The following FEZ2 variants were observed in gnomAD, a reference collection of about 807,000 sequenced individuals.
FEZ2 encodes fasciculation and elongation protein zeta-2.
Under a neutral mutation model 40.4 loss-of-function variants are expected in FEZ2, and 51 were observed. The observed-to-expected ratio is 1.26, with a 90% CI of 1.01 to 1.59. FEZ2 has a LOEUF of 1.59. FEZ2 is among the 40% of genes most tolerant of loss of function. FEZ2 has a pLI of 0.00. For missense variants in FEZ2, 640 were observed against 438.3 expected, an observed-to-expected ratio of 1.46 and a Z score of -4.11; for synonymous variants, 242 against 172.0, an observed-to-expected ratio of 1.41 and a Z score of -3.18.
At chr2:36,586,203 C>T (rs188720140) in intron 2 of FEZ2, among the ~76,000 whole-genome samples, 30 of 152,248 alleles carry the variant, frequency 2.0e-4, no homozygotes, top group African/African-American at 6.3e-4. Flanking sequence ...GTAGACCTAC[C>T]GATTAGTTTC....
At chr2:36,562,724 A>AT (rs1295929258) in intron 5 of FEZ2, among the ~76,000 whole-genome samples, 1 of 152,230 alleles carries the variant, frequency 6.6e-6, no homozygotes, top group Non-Finnish European at 1.5e-5. Flanking sequence ...TTTTAAGCAG[A>AT]TTATCAAATG....
Position 36,598,041 on chromosome 2 carries a change from C to T in FEZ2, c.102G>A (p.Ala34=). 3 of 1,501,946 alleles carry T rather than the reference C, an allele frequency of 2.0e-6. No individual in the cohort carries two copies. The highest frequency in any genetic ancestry group is 2.7e-6 in the Non-Finnish European group (3 of 1,130,544). The allele number at this position is 1,501,946 out of a possible 1,614,324, so 93.0% of individuals were successfully genotyped here. ...CCCCACCCGCCTCGGCCCCCGCCTC[C>T]GCCCCAGGCTCGGGGCTCGCGTTAC... ...ENCNASPEPG[A]EAGAEAGGGA... Residue 34 remains alanine (A), a synonymous_variant, in exon 1 of 8, where the codon GCG becomes GCA. Transcript: ENST00000405912.
chr2:36,582,490 C>G (rs1220388283), intron 3 of FEZ2, among the ~76,000 whole-genome samples: 1 of 152,154 alleles, frequency 6.6e-6, no homozygotes, highest in East Asian at 1.9e-4. Flanking sequence ...TTAGGCAGGT[C>G]AGTGAGGGGA....
chr2:36,595,596 G>A lies in FEZ2; in HGVS notation c.266+2281C>T, dbSNP rs76213322. Among the ~76,000 whole-genome samples the A allele has an allele frequency of 5.5e-3, 838 of 152,242 alleles. 16 individuals carry two copies. Among genetic ancestry groups the A allele is most frequent in the African/African-American group, 0.019 (784 of 41,512 alleles). On this transcript the variant is annotated intron_variant, in intron 1 of 7. Transcript: ENST00000405912. ...TGTAGTGTGGCCCAGTTCCAGTACCGGTCTGTGGACCAGGGGTTGGGGACC... is the reference window on the plus strand; with the variant it reads ...TGTAGTGTGGCCCAGTTCCAGTACCAGTCTGTGGACCAGGGGTTGGGGACC...
chr2:36,591,877 A>C (rs1423066691), intron 1 of FEZ2, among the ~76,000 whole-genome samples: 1 of 152,042 alleles, frequency 6.6e-6, no homozygotes, highest in East Asian at 1.9e-4. Context: ...AGAAGCAGAT[A>C]CTCCTTCCAG....
intron 5 of FEZ2, among the ~76,000 whole-genome samples, chr2:36,565,897 T>C (rs989559552): frequency 3.3e-5 from 5 of 152,112 alleles, no homozygotes; most frequent in Non-Finnish European, 7.4e-5. Flanking sequence ...CCCTGCCCAG[T>C]TGTGACAACA....
chr2:36,567,958 C>T lies in FEZ2; in HGVS notation c.904-9445G>A, dbSNP rs1289414639. On this transcript the variant is annotated intron_variant, in intron 5 of 7. Transcript: ENST00000405912. ...CTGTAAATTCCAAAAAATAACACACCCTTTTGGAAGGCAAAATGAATTTTA... is the reference window on the plus strand; with the variant it reads ...CTGTAAATTCCAAAAAATAACACACTCTTTTGGAAGGCAAAATGAATTTTA... 2.0e-5 allele frequency among the ~76,000 whole-genome samples: 3 copies of T among 152,082 alleles called. No individual in the cohort carries two copies. The East Asian group carries it at 5.8e-4, about 29-fold the overall frequency.
chr2:36,562,736 G>C (rs555589155), intron 5 of FEZ2, among the ~76,000 whole-genome samples: 19 of 152,240 alleles, frequency 1.2e-4, no homozygotes, highest in Admixed American at 4.6e-4. Flanking sequence ...TATCAAATGA[G>C]ATAACATCTT....
At chr2:36,566,575 G>C (rs1429674331) in intron 5 of FEZ2, among the ~76,000 whole-genome samples, 1 of 152,196 alleles carries the variant, frequency 6.6e-6, no homozygotes, top group Admixed American at 6.5e-5. Context: ...CTGATAGTCA[G>C]TGACTTAACC....
rs1218733001 is a variant in FEZ2, at chr2:36,579,050, C to A, written c.635-185G>T. 4 of 592,630 alleles carry A rather than the reference C, an allele frequency of 6.7e-6. No individual in the cohort carries two copies. In the African/African-American group the frequency reaches 7.4e-5, roughly 11 times the overall value. The allele number at this position is 592,630 out of a possible 1,614,324, so 36.7% of individuals were successfully genotyped here. A position where few individuals can be genotyped will look rare whatever the true frequency, so the allele number is the denominator to read the frequency against. On this transcript the variant is annotated intron_variant, in intron 4 of 7. Coordinates refer to ENST00000405912, the MANE Select transcript of FEZ2 (RefSeq NM_005102.3). The stretch of plus-strand genomic sequence containing the variant: ...TCAGAATTCTACAACTTCTGGAGAT[C>A]AGATCTGAGTAGAGGTAAGTGGGCA...
chr2:36,567,392 G>C (rs1446555047), intron 5 of FEZ2, among the ~76,000 whole-genome samples: 1 of 152,170 alleles, frequency 6.6e-6, no homozygotes, highest in African/African-American at 2.4e-5. Context: ...ATCTAGTCTA[G>C]GAAAGTAAGA....
intron 5 of FEZ2, among the ~76,000 whole-genome samples, chr2:36,568,516 G>A (rs926009742): frequency 6.6e-5 from 10 of 152,132 alleles, no homozygotes; most frequent in Admixed American, 2.0e-4. Flanking sequence ...GTGAAGAACT[G>A]GTGAAAATTC....
intron 5 of FEZ2, among the ~76,000 whole-genome samples, chr2:36,572,581 C>G (rs1332896966): frequency 6.6e-6 from 1 of 152,154 alleles, no homozygotes; most frequent in Non-Finnish European, 1.5e-5. Flanking sequence ...GTCCATATAG[C>G]CCCAAAGCTG....
chr2:36,581,284 CCTTA>C lies in FEZ2; in HGVS notation c.634+2_634+5del, dbSNP rs773216559. On this transcript the variant is annotated splice_donor_variant and splice_donor_5th_base_variant and intron_variant, in intron 4 of 7. Coordinates refer to ENST00000405912, the MANE Select transcript of FEZ2 (RefSeq NM_005102.3). LOFTEE classifies it high-confidence loss of function. ...AGAAATCATTGATTTCAGCAGGCTCCCTTACTCTCTTCATAACTGCCGGTACTAG... is the reference window on the plus strand; with the variant it reads ...AGAAATCATTGATTTCAGCAGGCTCCCTCTCTTCATAACTGCCGGTACTAG... 6.2e-7 allele frequency: 1 copy of C among 1,612,970 alleles called. No homozygotes were observed. Among genetic ancestry groups the C allele is most frequent in the South Asian group, 1.1e-5 (1 of 91,002 alleles).
intron 5 of FEZ2, among the ~76,000 whole-genome samples, chr2:36,566,576 T>C (rs1289915334): frequency 6.6e-6 from 1 of 152,212 alleles, no homozygotes; most frequent in Non-Finnish European, 1.5e-5. Flanking sequence ...TGATAGTCAG[T>C]GACTTAACCT....
At chr2:36,580,954 C>T (rs1668721596) in intron 4 of FEZ2, among the ~76,000 whole-genome samples, 2 of 152,114 alleles carry the variant, frequency 1.3e-5, no homozygotes, top group African/African-American at 4.8e-5. Flanking sequence ...GAGTTCGAGA[C>T]CAGCCTGGCC....
intron 5 of FEZ2, among the ~76,000 whole-genome samples, chr2:36,574,746 T>G (rs1295896990): frequency 6.6e-6 from 1 of 152,050 alleles, no homozygotes; most frequent in African/African-American, 2.4e-5. Context: ...CAAAACAGCA[T>G]GGTCAGCACA....
Position 36,581,324 on chromosome 2 carries a change from A to T in FEZ2, c.600T>A (p.Thr200=). ...AACTGCCGGTACTAGACCTCTTGAGAGTTTGAATTTCCTGGGAAAGCATTG... is the reference window on the plus strand; with the variant it reads ...AACTGCCGGTACTAGACCTCTTGAGTGTTTGAATTTCCTGGGAAAGCATTG... ...RLSMLSQEIQ[T]LKRSSTGSYE... Residue 200 remains threonine (T), a synonymous_variant, in exon 4 of 8, where the codon ACT becomes ACA. Coordinates refer to ENST00000405912, the MANE Select transcript of FEZ2 (RefSeq NM_005102.3). 6.2e-7 allele frequency: 1 copy of T among 1,613,834 alleles called. No individual in the cohort carries two copies. Among genetic ancestry groups the T allele is most frequent in the Admixed American group, 1.7e-5 (1 of 60,018 alleles).
At chr2:36,584,381 T>C (rs1668840462) in intron 2 of FEZ2, among the ~76,000 whole-genome samples, 1 of 152,190 alleles carries the variant, frequency 6.6e-6, no homozygotes, top group Non-Finnish European at 1.5e-5. Context: ...TTGCACCACA[T>C]CAAGTTTGTT....
Sources: allele counts gnomAD v4.1 joint callset (sites outside exome capture counted in the v4.1 genomes callset), GRCh38; gene constraint gnomAD v4.1.1; transcripts MANE v1.5; gene names NCBI Gene and HGNC (gene_info 2026-07-23, HGNC 2026-07-21).